The following LRRC49 variants were observed in gnomAD, a reference collection of about 807,000 sequenced individuals.
LRRC49 encodes leucine-rich repeat-containing protein 49.
LRRC49 carries 50 observed loss-of-function variants against 83.3 expected under a neutral mutation model. The ratio of observed to expected loss-of-function variants is 0.60; its 90% CI spans 0.48 to 0.76. LRRC49 has a LOEUF of 0.76. Among genes scored for constraint, LRRC49 ranks in the 30% least tolerant of loss-of-function variants. The probability of loss-of-function intolerance (pLI) is 0.00; values close to 1 mark genes in which losing one functional copy is unlikely to be tolerated. For synonymous variants in LRRC49, 286 were observed against 283.3 expected (o/e 1.01, Z -0.10); for missense variants, 704 against 809.1 (o/e 0.87, Z 1.58).
intron 8 of LRRC49, among the ~76,000 whole-genome samples, chr15:70,944,838 G>T (rs146743339): frequency 6.6e-6 from 1 of 152,064 alleles, no homozygotes; most frequent in Non-Finnish European, 1.5e-5. Flanking sequence ...ACACAGAGTC[G>T]CCTCACACCT....
chr15:70,911,324 C>T (rs912369884), intron 5 of LRRC49, among the ~76,000 whole-genome samples: 2 of 152,064 alleles, frequency 1.3e-5, no homozygotes, highest in Non-Finnish European at 2.9e-5. Context: ...AATGATGTGA[C>T]ATTTAAACTC....
chr15:70,871,065 A>C (rs967975839), intron 1 of LRRC49, among the ~76,000 whole-genome samples: 6 of 151,758 alleles, frequency 4.0e-5, no homozygotes, highest in African/African-American at 1.5e-4. Flanking sequence ...CATGTGAACA[A>C]GGGTCTGTGG....
At chr15:70,994,625 C>T (rs1348886624) in intron 11 of LRRC49, among the ~76,000 whole-genome samples, 2 of 152,132 alleles carry the variant, frequency 1.3e-5, no homozygotes, top group East Asian at 3.9e-4. Context: ...TAGGTGCACA[C>T]CTCTATGTCC....
chr15:70,859,680 G>T, intron 1 of LRRC49: 1 of 662,602 alleles, frequency 1.5e-6, no homozygotes, highest in Non-Finnish European at 2.9e-6. Flanking sequence ...GAGATTAAGG[G>T]CCTCAAAGGC....
At chr15:70,987,847 G>T (rs1410479798) in intron 11 of LRRC49, among the ~76,000 whole-genome samples, 1 of 151,896 alleles carries the variant, frequency 6.6e-6, no homozygotes, top group Non-Finnish European at 1.5e-5. Flanking sequence ...CTTTGTTCTC[G>T]TTGGTTTCAA....
At chr15:70,953,753 A>G (rs377320142) in intron 8 of LRRC49, among the ~76,000 whole-genome samples, 33 of 152,292 alleles carry the variant, frequency 2.2e-4, no homozygotes, top group African/African-American at 7.5e-4. Flanking sequence ...TGGAATGCAA[A>G]TGAGTTACAG....
chr15:70,876,677 C>T (rs376317381), intron 2 of LRRC49, among the ~76,000 whole-genome samples: 9 of 152,186 alleles, frequency 5.9e-5, no homozygotes, highest in South Asian at 2.1e-4. Context: ...TTCACAAATC[C>T]GTAAAGTAAC....
chr15:70,985,257 G>GTGTTCCTATTTAC (rs1288039922), intron 11 of LRRC49, among the ~76,000 whole-genome samples: 9 of 150,756 alleles, frequency 6.0e-5, no homozygotes, highest in African/African-American at 9.8e-5. Context: ...CAGTGTAAAA[G>GTGTTCCTATTTAC]TGTTCCTATT....
intron 11 of LRRC49, among the ~76,000 whole-genome samples, chr15:70,987,097 T>C (rs1205392135): frequency 6.6e-6 from 1 of 152,202 alleles, no homozygotes; most frequent in Non-Finnish European, 1.5e-5. Flanking sequence ...TAAAATTCTC[T>C]TTTTTGGTTG....
chr15:70,986,758 A>G (rs1027047657), intron 11 of LRRC49, among the ~76,000 whole-genome samples: 2 of 152,140 alleles, frequency 1.3e-5, no homozygotes, highest in Non-Finnish European at 2.9e-5. Context: ...TCAGTCTGAT[A>G]TTGGCTGTGG....
intron 8 of LRRC49, among the ~76,000 whole-genome samples, chr15:70,946,275 C>T (rs1161616847): frequency 6.6e-6 from 1 of 152,100 alleles, no homozygotes; most frequent in African/African-American, 2.4e-5. Context: ...CTGATAACTA[C>T]CATTCTACTC....
intron 5 of LRRC49, among the ~76,000 whole-genome samples, chr15:70,910,243 T>C (rs898228024): frequency 1.3e-5 from 2 of 152,126 alleles, no homozygotes; most frequent in African/African-American, 4.8e-5. Context: ...TTGAATTGGC[T>C]TGTGGTAGTA....
chr15:70,872,435 C>T (rs945846881), intron 1 of LRRC49, among the ~76,000 whole-genome samples: 2 of 114,250 alleles, frequency 1.8e-5, no homozygotes, highest in African/African-American at 6.9e-5. Flanking sequence ...AGGGGGAGGG[C>T]GAGGGGGAGG....
chr15:71,036,893 T>C lies in LRRC49; in HGVS notation c.1704-286T>C, dbSNP rs150625158. Among the ~76,000 whole-genome samples, 4 of 152,298 alleles carry C rather than the reference T, an allele frequency of 2.6e-5. No homozygotes were observed. The East Asian group carries it at 7.7e-4, about 29-fold the overall frequency. Reference sequence around the variant, plus strand: ...TTTGGGTTGTTTTGTGCTCTGTGATTAATTTTTGTGTTGATTTTTATTAAA... The same window carrying C: ...TTTGGGTTGTTTTGTGCTCTGTGATCAATTTTTGTGTTGATTTTTATTAAA... On this transcript the variant is annotated intron_variant, in intron 14 of 15. Coordinates refer to ENST00000260382, the MANE Select transcript of LRRC49 (RefSeq NM_017691.5).
chr15:70,901,181 C>T (rs2141107875), intron 4 of LRRC49, among the ~76,000 whole-genome samples, 157 bp downstream of exon 4: 1 of 152,196 alleles, frequency 6.6e-6, no homozygotes, highest in African/African-American at 2.4e-5. Flanking sequence ...TTTGCTTCTC[C>T]TTCCTGAGGT....
intron 11 of LRRC49, among the ~76,000 whole-genome samples, chr15:70,997,815 C>A (rs1401429567): frequency 6.6e-6 from 1 of 152,154 alleles, no homozygotes; most frequent in African/African-American, 2.4e-5. Context: ...TCTTTGAAGT[C>A]CTGATAAGGA....
In LRRC49 at chr15:71,014,927, T is replaced by A. The variant is rs533412432; in HGVS notation, c.1703+2014T>A. ...TTGTGTTGACAACCTTATTCCCAAT[T>A]CAGAAAAAAACATATATTTTATTCA... On this transcript the variant is annotated intron_variant, in intron 14 of 15. Coordinates refer to ENST00000260382, the MANE Select transcript of LRRC49 (RefSeq NM_017691.5). Among the ~76,000 whole-genome samples the A allele has an allele frequency of 2.0e-5, 3 of 152,272 alleles. No individual in the cohort carries two copies. The East Asian group carries it at 5.8e-4, about 29-fold the overall frequency.
intron 14 of LRRC49, among the ~76,000 whole-genome samples, chr15:71,015,472 A>G (rs566832305): frequency 2.6e-5 from 4 of 152,224 alleles, no homozygotes; most frequent in Admixed American, 2.6e-4. Flanking sequence ...TGAGAATCTA[A>G]CGCCACTGCT....
intron 11 of LRRC49, among the ~76,000 whole-genome samples, chr15:71,002,656 G>A (rs1396199998): frequency 1.3e-5 from 2 of 151,936 alleles, no homozygotes; most frequent in Admixed American, 6.6e-5. Flanking sequence ...TATGAATGTT[G>A]TAATAGAAAT....
Sources: allele counts gnomAD v4.1 joint callset (sites outside exome capture counted in the v4.1 genomes callset), GRCh38; gene constraint gnomAD v4.1.1; transcripts MANE v1.5; gene names NCBI Gene and HGNC (gene_info 2026-07-23, HGNC 2026-07-21).